The following SPIDR variants were observed in gnomAD, a reference collection of about 807,000 sequenced individuals.
The protein encoded by SPIDR is DNA repair-scaffolding protein.
In SPIDR, 93 loss-of-function variants were observed where a neutral mutation model predicts 104.6. That is an observed-to-expected ratio of 0.89 (90% confidence interval 0.75 to 1.06). The LOEUF (loss-of-function observed/expected upper bound fraction) is 1.06. Ranked by LOEUF, SPIDR falls within the 50% of genes least tolerant of loss-of-function variation. The probability of loss-of-function intolerance (pLI) is 0.00; values close to 1 mark genes in which losing one functional copy is unlikely to be tolerated. For synonymous variants in SPIDR, 431 were observed against 416.9 expected (o/e 1.03, Z -0.41); for missense variants, 1,154 against 1,111.2 (o/e 1.04, Z -0.55).
intron 10 of SPIDR, chr8:47,673,559 G>C (rs201595127): frequency 1.7e-6 from 1 of 571,910 alleles, no homozygotes; most frequent in East Asian, 3.8e-5. Context: ...ACACCTGCAT[G>C]AACACATACA....
intron 8 of SPIDR, chr8:47,592,700 G>T (rs1216234136): frequency 3.1e-6 from 2 of 637,750 alleles, no homozygotes; most frequent in Non-Finnish European, 5.5e-6. Context: ...TTTATAATAT[G>T]ATTGTCTTTA....
chr8:47,724,867 C>G (rs565784481), intron 16 of SPIDR, among the ~76,000 whole-genome samples: 41 of 152,300 alleles, frequency 2.7e-4, no homozygotes, highest in Admixed American at 1.9e-3. Flanking sequence ...AAATGTTTCT[C>G]TGCTGTGTCT....
At chr8:47,294,903 C>T (rs2040564706) in intron 5 of SPIDR, among the ~76,000 whole-genome samples, 1 of 152,082 alleles carries the variant, frequency 6.6e-6, no homozygotes, top group Admixed American at 6.6e-5. Context: ...TTTTTTCTGA[C>T]TCCCCTTTTC....
chr8:47,685,231 A>C (rs534393096), intron 11 of SPIDR, among the ~76,000 whole-genome samples: 20 of 152,180 alleles, frequency 1.3e-4, no homozygotes, highest in Non-Finnish European at 2.5e-4. Flanking sequence ...CAAACAAACA[A>C]AAAACAAATG....
chr8:47,645,056 C>T (rs1283695199), intron 10 of SPIDR, among the ~76,000 whole-genome samples: 1 of 152,148 alleles, frequency 6.6e-6, no homozygotes, highest in East Asian at 1.9e-4. Context: ...GAAGTTTAGA[C>T]TTCATTCCAA....
chr8:47,510,170 A>T lies in SPIDR; in HGVS notation c.1097+69628A>T, dbSNP rs535103421. Among the ~76,000 whole-genome samples the T allele has an allele frequency of 3.4e-4, 52 of 152,318 alleles. 2 individuals carry two copies. In the South Asian group the frequency reaches 0.011, roughly 32 times the overall value. The stretch of plus-strand genomic sequence containing the variant: ...ATTCTCACCTCAGAAGTTGCCCAAA[A>T]CCCAACTCATGAAGGAATCTTCAGT... On this transcript the variant is annotated intron_variant, in intron 8 of 19. Coordinates refer to ENST00000297423, the MANE Select transcript of SPIDR (RefSeq NM_001080394.4).
intron 7 of SPIDR, 53 bp from the exon 8 acceptor site, chr8:47,440,270 A>C (rs1398200396): frequency 2.0e-6 from 3 of 1,499,986 alleles, no homozygotes; most frequent in Non-Finnish European, 2.8e-6. Flanking sequence ...TTCACGCTTG[A>C]ACCATCTGTC....
chr8:47,572,822 C>T (rs1292153763), intron 8 of SPIDR, among the ~76,000 whole-genome samples: 1 of 152,044 alleles, frequency 6.6e-6, no homozygotes, highest in Non-Finnish European at 1.5e-5. Flanking sequence ...GTCTGTTTCC[C>T]TCTTGAGCTC....
intron 8 of SPIDR, chr8:47,528,254 A>G (rs1224794585): frequency 6.6e-6 from 1 of 152,224 alleles, no homozygotes; most frequent in Non-Finnish European, 1.5e-5. Context: ...CTAGAAGTCC[A>G]GCATCTGCTT....
At chr8:47,458,592 G>A (rs1256454316) in intron 8 of SPIDR, among the ~76,000 whole-genome samples, 3 of 151,712 alleles carry the variant, frequency 2.0e-5, no homozygotes, top group African/African-American at 7.3e-5. Context: ...AACAGTGACA[G>A]TCTGACTTCC....
At chr8:47,304,601 C>G (rs1383581878) in intron 5 of SPIDR, among the ~76,000 whole-genome samples, 3 of 152,202 alleles carry the variant, frequency 2.0e-5, no homozygotes, top group Non-Finnish European at 4.4e-5. Context: ...CCTCCTCCCC[C>G]TGCTTTCACC....
chr8:47,693,708 A>G (rs1363360631), intron 11 of SPIDR, among the ~76,000 whole-genome samples: 1 of 146,216 alleles, frequency 6.8e-6, no homozygotes, highest in Admixed American at 6.8e-5. Context: ...GGTGGTGACC[A>G]GCCCCGGAAC....
chr8:47,262,510 C>T (rs1298190317), intron 1 of SPIDR, among the ~76,000 whole-genome samples: 3 of 152,152 alleles, frequency 2.0e-5, no homozygotes, highest in Non-Finnish European at 4.4e-5. Context: ...AATAAAGGGT[C>T]GTTGGAGCTG....
chr8:47,567,987 T>C (rs1418126668), intron 8 of SPIDR, among the ~76,000 whole-genome samples: 1 of 151,814 alleles, frequency 6.6e-6, no homozygotes, highest in Non-Finnish European at 1.5e-5. Flanking sequence ...GGCGGTCTCA[T>C]ACTGGCTTTG....
chr8:47,484,372 A>G (rs1192986844), intron 8 of SPIDR, among the ~76,000 whole-genome samples: 1 of 152,236 alleles, frequency 6.6e-6, no homozygotes, highest in Non-Finnish European at 1.5e-5. Flanking sequence ...AAAGCCTAAC[A>G]AGGTGGGCCA....
intron 10 of SPIDR, among the ~76,000 whole-genome samples, chr8:47,666,024 A>C (rs2074873805): frequency 1.3e-5 from 2 of 152,168 alleles, no homozygotes; most frequent in African/African-American, 4.8e-5. Context: ...TGGTTTCCCT[A>C]GTCACTTTAA....
intron 10 of SPIDR, among the ~76,000 whole-genome samples, chr8:47,605,587 A>T (rs2062834047): frequency 6.6e-6 from 1 of 152,230 alleles, no homozygotes; most frequent in African/African-American, 2.4e-5. Context: ...TGGAAAGAAC[A>T]AAAAATCTGG....
At chr8:47,276,250 T>TTG (rs2036404611) in intron 1 of SPIDR, among the ~76,000 whole-genome samples, 1 of 152,216 alleles carries the variant, frequency 6.6e-6, no homozygotes, top group African/African-American at 2.4e-5. Context: ...CCTGTCCAGT[T>TTG]TGTATAGCTC....
Position 47,712,611 on chromosome 8 carries a change from A to T in SPIDR, c.1978-51A>T, listed in dbSNP as rs1427470125. 4 of 1,561,818 alleles carry T rather than the reference A, an allele frequency of 2.6e-6. No individual in the cohort carries two copies. The Admixed American group carries it at 5.6e-5, about 22-fold the overall frequency. ...ATAACTTCTGCTTTTAAATGCTTTT[A>T]AAACATTTTTTGGTATAATAATTAA... On this transcript the variant is annotated intron_variant, in intron 14 of 19. Transcript: ENST00000297423.
Sources: allele counts gnomAD v4.1 joint callset (sites outside exome capture counted in the v4.1 genomes callset), GRCh38; gene constraint gnomAD v4.1.1; transcripts MANE v1.5; gene names NCBI Gene and HGNC (gene_info 2026-07-23, HGNC 2026-07-21).